The following ABCA4 variants were observed in gnomAD, a reference collection of about 807,000 sequenced individuals.
The protein encoded by ABCA4 is ATP binding cassette subfamily A member 4.
ABCA4 carries 196 observed loss-of-function variants against 263.7 expected under a neutral mutation model. The observed-to-expected ratio is 0.74, with a 90% CI of 0.66 to 0.84. The LOEUF is 0.84. Ranked by LOEUF, ABCA4 falls within the 40% of genes least tolerant of loss-of-function variation. ABCA4 has a pLI of 0.00. For synonymous variants in ABCA4, 1,133 were observed against 1,094.2 expected (o/e 1.04, Z -0.70); for missense variants, 2,792 against 2,855.1 (o/e 0.98, Z 0.50).
At chr1:94,076,506 T>C (rs1661539894) in intron 11 of ABCA4, among the ~76,000 whole-genome samples, 1 of 152,110 alleles carries the variant, frequency 6.6e-6, no homozygotes. Flanking sequence ...AAAAGCGCTC[T>C]AATAAATGGG....
At chr1:94,106,057 A>G (rs558313480) in intron 4 of ABCA4, among the ~76,000 whole-genome samples, 4 of 152,332 alleles carry the variant, frequency 2.6e-5, no homozygotes, top group African/African-American at 9.6e-5. Context: ...GGATTTCCTC[A>G]AAGACCGTGT....
intron 36 of ABCA4, among the ~76,000 whole-genome samples, chr1:94,017,004 G>A (rs995059024): frequency 1.3e-5 from 2 of 152,052 alleles, no homozygotes; most frequent in African/African-American, 2.4e-5. Flanking sequence ...CAGCTTCAAC[G>A]GCCCCCCACT....
chr1:94,117,633 G>A (rs544019133), intron 1 of ABCA4, among the ~76,000 whole-genome samples: 10 of 152,168 alleles, frequency 6.6e-5, no homozygotes, highest in East Asian at 1.9e-4. Context: ...GAGAGCGCTC[G>A]TCATTGGGAA....
chr1:94,043,276 G>A lies in ABCA4; in HGVS notation c.3190+60C>T, dbSNP rs992503631. ...GCTCCAAGCCTCCCCTGCCTCCTGGGTGCACTGGGGAGCCATGGATTTGCC... is the reference window on the plus strand; with the variant it reads ...GCTCCAAGCCTCCCCTGCCTCCTGGATGCACTGGGGAGCCATGGATTTGCC... On this transcript the variant is annotated intron_variant, in intron 21 of 49. Coordinates refer to ENST00000370225, the MANE Select transcript of ABCA4 (RefSeq NM_000350.3). 1.6e-5 allele frequency: 26 copies of A among 1,611,580 alleles called. No homozygotes were observed. In the Middle Eastern group the frequency reaches 5.1e-4, roughly 32 times the overall value.
intron 1 of ABCA4, among the ~76,000 whole-genome samples, chr1:94,118,311 A>G (rs1223606076): frequency 1.3e-5 from 2 of 152,138 alleles, no homozygotes; most frequent in Non-Finnish European, 2.9e-5. Flanking sequence ...AGATCTGAAG[A>G]TTTTCATCTT....
At chr1:94,043,576 A>G (rs1431089203) in intron 20 of ABCA4, 101 bp from the exon 21 acceptor site, 2 of 1,486,506 alleles carry the variant, frequency 1.3e-6, no homozygotes, top group Non-Finnish European at 1.8e-6. Context: ...TGATTTGGCA[A>G]TCAAGATGCT....
At chr1:94,117,916 C>T (rs536598130) in intron 1 of ABCA4, among the ~76,000 whole-genome samples, 1 of 152,298 alleles carries the variant, frequency 6.6e-6, no homozygotes, top group South Asian at 2.1e-4. Flanking sequence ...CATTTATTGT[C>T]CCAGTGCAAT....
At chr1:94,025,172 A>G in intron 30 of ABCA4, 124 bp from the exon 31 acceptor site, 1 of 803,428 alleles carries the variant, frequency 1.2e-6, no homozygotes, top group South Asian at 1.4e-5. Flanking sequence ...ATACTAAATA[A>G]AGTACTGGCA....
chr1:94,014,115 C>T (rs1464793139), intron 38 of ABCA4, among the ~76,000 whole-genome samples: 1 of 151,762 alleles, frequency 6.6e-6, no homozygotes, highest in Non-Finnish European at 1.5e-5. Context: ...TCAAGTTTTG[C>T]TTGCAGAATA....
intron 35 of ABCA4, among the ~76,000 whole-genome samples, chr1:94,021,029 T>G (rs1339562003): frequency 1.3e-5 from 2 of 152,236 alleles, no homozygotes; most frequent in East Asian, 3.8e-4. Context: ...GTAAACTTAC[T>G]TGCCACATAA....
intron 32 of ABCA4, 151 bp from the exon 33 acceptor site, chr1:94,022,102 T>A: frequency 1.4e-6 from 1 of 731,656 alleles, no homozygotes; most frequent in Non-Finnish European, 2.4e-6. Flanking sequence ...AGCTTTTAAC[T>A]CTTTTCCCAC....
intron 4 of ABCA4, among the ~76,000 whole-genome samples, chr1:94,107,754 TG>T (rs1662481264): frequency 6.6e-6 from 1 of 152,208 alleles, no homozygotes; most frequent in Non-Finnish European, 1.5e-5. Flanking sequence ...TGGCCGCATC[TG>T]GGGGCCAGTC....
In ABCA4 at chr1:94,037,276, C is replaced by CT. The variant is rs751987031; in HGVS notation, c.3681dup (p.Glu1228ArgfsTer9). 2 of 1,614,234 alleles carry CT rather than the reference C, an allele frequency of 1.2e-6. No homozygotes were observed. Among genetic ancestry groups the CT allele is most frequent in the South Asian group, 2.2e-5 (2 of 91,086 alleles). On this transcript the variant is annotated frameshift_variant, in exon 25 of 50. Coordinates refer to ENST00000370225, the MANE Select transcript of ABCA4 (RefSeq NM_000350.3). LOFTEE classifies it high-confidence loss of function. ...TTATTTGGAAGAAGGAAGATAAGTT[C>CT]TTGACCAATGCACTCCACCAGCTTT...
rs958225339 is a variant in ABCA4 at position 94,079,540 on chromosome 1, C to T, written c.1100-79G>A. 2.5e-6 allele frequency: 4 copies of T among 1,594,366 alleles called. No homozygotes were observed. In the African/African-American group the frequency reaches 4.0e-5, roughly 16 times the overall value. On this transcript the variant is annotated intron_variant, in intron 8 of 49. Transcript: ENST00000370225. ...AATATAGTCATTAGTGTATCCACAT[C>T]ACATGTCTCATTCAACTCCATGCTG... is the stretch of plus-strand genomic sequence containing the variant.
At chr1:94,037,699 G>C (rs1172974019) in intron 24 of ABCA4, among the ~76,000 whole-genome samples, 1 of 152,178 alleles carries the variant, frequency 6.6e-6, no homozygotes, top group African/African-American at 2.4e-5. Context: ...TGTTGGGTGG[G>C]TCACATTAGA....
chr1:94,048,514 A>G (rs55712710), intron 18 of ABCA4, among the ~76,000 whole-genome samples: 4,779 of 152,292 alleles, frequency 0.031, 123 homozygotes, highest in Non-Finnish European at 0.046. Flanking sequence ...GTCTTTCCTT[A>G]TAGCTCATAT....
At chr1:94,031,615 G>A (rs1660206624) in intron 27 of ABCA4, among the ~76,000 whole-genome samples, 163 bp downstream of exon 27, 1 of 152,094 alleles carries the variant, frequency 6.6e-6, no homozygotes. Context: ...ATGTTACCAA[G>A]AATCAAGATA....
intron 26 of ABCA4, among the ~76,000 whole-genome samples, chr1:94,033,574 T>C (rs1660265678): frequency 6.6e-6 from 1 of 152,222 alleles, no homozygotes; most frequent in African/African-American, 2.4e-5. Flanking sequence ...AATGCTCATT[T>C]GCTGAACAAC....
rs367760889 is a variant in ABCA4, at chr1:94,057,331, T to C, written c.2161-509A>G. 2.6e-5 allele frequency among the ~76,000 whole-genome samples: 4 copies of C among 152,342 alleles called. No individual in the cohort carries two copies. The South Asian group carries it at 8.3e-4, about 32-fold the overall frequency. On this transcript the variant is annotated intron_variant, in intron 14 of 49. Coordinates refer to ENST00000370225, the MANE Select transcript of ABCA4 (RefSeq NM_000350.3). ...TTCTCTTTTAATAGTATTTATTATG[T>C]GTTAAGTAAGCAAATCCTCGGTGAG... is the stretch of plus-strand genomic sequence containing the variant.
Sources: allele counts gnomAD v4.1 joint callset (sites outside exome capture counted in the v4.1 genomes callset), GRCh38; gene constraint gnomAD v4.1.1; transcripts MANE v1.5; gene names NCBI Gene and HGNC (gene_info 2026-07-23, HGNC 2026-07-21).